Variants in EYA1 observed in about 807,000 individuals in gnomAD.
The protein encoded by EYA1 is EYA transcriptional coactivator and phosphatase 1, also known as protein phosphatase EYA1.
EYA1 carries 16 observed loss-of-function variants against 82.0 expected under a neutral mutation model. The observed-to-expected ratio is 0.20, with a 90% CI of 0.13 to 0.30. The LOEUF (loss-of-function observed/expected upper bound fraction) is 0.30, where lower values mean the gene tolerates loss of function less well. Ranked by LOEUF, EYA1 falls within the 10% of genes least tolerant of loss-of-function variation. EYA1 has a pLI of 1.00. For synonymous variants in EYA1, 261 were observed against 264.4 expected, an observed-to-expected ratio of 0.99 and a Z score of 0.12; for missense variants, 633 against 730.7, an observed-to-expected ratio of 0.87 and a Z score of 1.54.
At chr8:71,503,021 A>T (rs1019599917) in intron 2 of EYA1, among the ~76,000 whole-genome samples, 1 of 152,168 alleles carries the variant, frequency 6.6e-6, no homozygotes, top group African/African-American at 2.4e-5. Context: ...CATTATACGT[A>T]TGATACTGAA....
intron 2 of EYA1, among the ~76,000 whole-genome samples, chr8:71,384,738 G>A (rs1260937252): frequency 6.6e-6 from 1 of 152,148 alleles, no homozygotes; most frequent in Non-Finnish European, 1.5e-5. Context: ...AGACTTTTGT[G>A]TCTTAGAAAG....
intron 2 of EYA1, among the ~76,000 whole-genome samples, chr8:71,481,330 T>C (rs991418362): frequency 8.5e-5 from 13 of 152,206 alleles, no homozygotes; most frequent in African/African-American, 2.2e-4. Context: ...AAGCACATGC[T>C]AGCCAAGGCT....
intron 3 of EYA1, among the ~76,000 whole-genome samples, chr8:71,353,194 C>T (rs750514727): frequency 1.3e-5 from 2 of 152,200 alleles, no homozygotes; most frequent in Non-Finnish European, 2.9e-5. Flanking sequence ...GCTGCCCTCA[C>T]GCTGACTCCT....
intron 2 of EYA1, chr8:71,531,129 G>A (rs1159444692): frequency 6.6e-6 from 1 of 152,156 alleles, no homozygotes; most frequent in African/African-American, 2.4e-5. Context: ...TTGTAGACTT[G>A]CAGGTGGCCA....
intron 11 of EYA1, among the ~76,000 whole-genome samples, chr8:71,264,634 G>A (rs1244420652): frequency 6.6e-6 from 1 of 150,464 alleles, no homozygotes; most frequent in Admixed American, 6.6e-5. Context: ...CTGGAATGCA[G>A]TAGTGCAATC....
chr8:71,476,801 A>T (rs1243981434), intron 2 of EYA1, among the ~76,000 whole-genome samples: 2 of 152,082 alleles, frequency 1.3e-5, no homozygotes, highest in Non-Finnish European at 2.9e-5. Flanking sequence ...AAGTTGGAAG[A>T]CTCAGACTTC....
At chr8:71,518,048 T>G (rs571603732) in intron 2 of EYA1, among the ~76,000 whole-genome samples, 2 of 151,464 alleles carry the variant, frequency 1.3e-5, no homozygotes, top group African/African-American at 4.9e-5. Context: ...TAATAAAATC[T>G]ACAAAAATAT....
intron 2 of EYA1, among the ~76,000 whole-genome samples, chr8:71,405,181 A>G (rs553696336): frequency 6.6e-6 from 1 of 152,276 alleles, no homozygotes; most frequent in East Asian, 1.9e-4. Context: ...CTGAAATTCT[A>G]CAATTAGCTT....
At chr8:71,442,265 T>C (rs751397533) in intron 2 of EYA1, among the ~76,000 whole-genome samples, 24 of 152,250 alleles carry the variant, frequency 1.6e-4, no homozygotes, top group Non-Finnish European at 2.6e-4. Flanking sequence ...CTCTGAGGAC[T>C]GGACTGAACC....
intron 9 of EYA1, among the ~76,000 whole-genome samples, chr8:71,284,134 T>C (rs1818121309): frequency 6.6e-6 from 1 of 152,196 alleles, no homozygotes; most frequent in Admixed American, 6.5e-5. Flanking sequence ...CTGTGCAGCC[T>C]CTGATGGGTA....
At chr8:71,334,062 G>C (rs1824195443) in intron 4 of EYA1, 35 bp downstream of exon 4, 1 of 1,433,048 alleles carries the variant, frequency 7.0e-7, no homozygotes, top group African/African-American at 1.4e-5. Context: ...AAAAATGCTT[G>C]GTGTTGATGT....
At chr8:71,456,194 T>A (rs1807888615) in intron 2 of EYA1, among the ~76,000 whole-genome samples, 1 of 152,102 alleles carries the variant, frequency 6.6e-6, no homozygotes, top group South Asian at 2.1e-4. Flanking sequence ...GGAATCCAAC[T>A]TACAAGGGAT....
At chr8:71,265,501 G>A (rs900694570) in intron 11 of EYA1, among the ~76,000 whole-genome samples, 2 of 152,322 alleles carry the variant, frequency 1.3e-5, no homozygotes. Context: ...CCAAATCACT[G>A]TGAGACACAG....
intron 9 of EYA1, among the ~76,000 whole-genome samples, chr8:71,279,142 T>C (rs150417401): frequency 6.6e-6 from 1 of 152,330 alleles, no homozygotes; most frequent in East Asian, 1.9e-4. Context: ...AGAAAGATTA[T>C]CTGAATTTAG....
intron 12 of EYA1, among the ~76,000 whole-genome samples, chr8:71,219,081 A>G (rs1809566964): frequency 6.6e-6 from 1 of 152,224 alleles, no homozygotes; most frequent in South Asian, 2.1e-4. Context: ...TTACTAACAG[A>G]GAAGGCAGTT....
At chr8:71,326,756 T>C (rs1442044168) in intron 4 of EYA1, among the ~76,000 whole-genome samples, 4 of 152,160 alleles carry the variant, frequency 2.6e-5, no homozygotes, top group African/African-American at 9.7e-5. Flanking sequence ...AATCCTGCCT[T>C]GGTGGCTCTT....
intron 2 of EYA1, among the ~76,000 whole-genome samples, chr8:71,426,821 TAAAG>T (rs1270988646): frequency 6.6e-6 from 1 of 152,210 alleles, no homozygotes; most frequent in Non-Finnish European, 1.5e-5. Flanking sequence ...TGCTCTGAAA[TAAAG>T]AGTTGCTTTT....
intron 7 of EYA1, among the ~76,000 whole-genome samples, chr8:71,304,286 T>C (rs1820501494): frequency 7.0e-6 from 1 of 142,652 alleles, no homozygotes; most frequent in African/African-American, 2.5e-5. Flanking sequence ...ATCCCGTTTA[T>C]AGACGAAGAA....
intron 11 of EYA1, among the ~76,000 whole-genome samples, chr8:71,254,243 C>CAAAAAAAAAAAAA (rs56047377): frequency 1.4e-4 from 7 of 51,464 alleles, no homozygotes; most frequent in Admixed American, 3.2e-4. Flanking sequence ...AAGTCTTGGC[C>CAAAAAAAAAAAAA]AAAAAAAAAA....
Sources: gnomAD v4.1 joint callset for allele counts (sites outside exome capture counted in the v4.1 genomes callset) on GRCh38, gnomAD v4.1.1 for gene constraint, MANE v1.5 for transcripts, NCBI Gene and HGNC (gene_info 2026-07-23, HGNC 2026-07-21) for gene names.